DNAAF11: variants seen among roughly 807,000 people sequenced by gnomAD.
DNAAF11 encodes the protein dynein axonemal assembly factor 11.
DNAAF11 carries 45 observed loss-of-function variants against 60.8 expected under a neutral mutation model. That is an observed-to-expected ratio of 0.74 (90% CI 0.58 to 0.95). DNAAF11 has a LOEUF of 0.95. DNAAF11 is among the 40% of genes least tolerant of loss of function. DNAAF11 has a pLI of 0.00. For synonymous variants in DNAAF11, 191 were observed against 183.5 expected (o/e 1.04, Z -0.33); for missense variants, 546 against 546.2 (o/e 1.00, Z 0.00).
At chr8:132,684,128 C>T in the DNAAF11 span, among the ~76,000 whole-genome samples, 14 of 152,162 alleles carry the variant, frequency 9.2e-5, no homozygotes, top group South Asian at 4.1e-4. Flanking sequence ...GGCACTTTCT[C>T]CATACAACAC....
At chr8:132,698,195 G>A in the DNAAF11 span, among the ~76,000 whole-genome samples, 1 of 152,150 alleles carries the variant, frequency 6.6e-6, no homozygotes. Flanking sequence ...CTGAGCATGA[G>A]ACTAGAGTAA....
At chr8:132,625,774 A>C (rs1384367907) in intron 5 of DNAAF11, among the ~76,000 whole-genome samples, 1 of 152,182 alleles carries the variant, frequency 6.6e-6, no homozygotes, top group African/African-American at 2.4e-5. Context: ...AGCTTTATAA[A>C]AAGTACAGAT....
the DNAAF11 span, chr8:132,687,530 A>G: frequency 2.2e-6 from 1 of 447,390 alleles, no homozygotes; most frequent in Non-Finnish European, 4.5e-6. Context: ...TCAGACAGAC[A>G]GCTGTAACAG....
At chr8:132,593,732 A>G (rs890715733) in intron 10 of DNAAF11, among the ~76,000 whole-genome samples, 3 of 152,114 alleles carry the variant, frequency 2.0e-5, no homozygotes, top group Non-Finnish European at 1.5e-5. Context: ...AAAAAAACAC[A>G]GGCCTAAAAA....
the DNAAF11 span, among the ~76,000 whole-genome samples, chr8:132,689,575 G>A: frequency 6.6e-6 from 1 of 151,868 alleles, no homozygotes; most frequent in African/African-American, 2.4e-5. Context: ...ATTACAATAG[G>A]AATATACTAT....
intron 10 of DNAAF11, among the ~76,000 whole-genome samples, chr8:132,603,560 G>T (rs1428466149): frequency 2.0e-5 from 3 of 151,938 alleles, no homozygotes; most frequent in Non-Finnish European, 2.9e-5. Context: ...GTAATCTGGA[G>T]GTTATTGGAG....
chr8:132,655,254 A>T (rs1277794563), intron 3 of DNAAF11, among the ~76,000 whole-genome samples: 3 of 152,134 alleles, frequency 2.0e-5, no homozygotes, highest in Non-Finnish European at 4.4e-5. Context: ...GATTAAATTA[A>T]TAATCAATAA....
intron 7 of DNAAF11, among the ~76,000 whole-genome samples, chr8:132,618,206 C>A (rs1174604477): frequency 6.7e-6 from 1 of 148,498 alleles, no homozygotes; most frequent in African/African-American, 2.5e-5. Flanking sequence ...AAAGGATTCC[C>A]TATTTAATAA....
At chr8:132,627,296 A>C (rs1820373028) in intron 5 of DNAAF11, among the ~76,000 whole-genome samples, 1 of 152,206 alleles carries the variant, frequency 6.6e-6, no homozygotes. Context: ...TAAAAACATA[A>C]AAATAACAGT....
chr8:132,694,398 A>G, the DNAAF11 span, among the ~76,000 whole-genome samples: 1 of 152,098 alleles, frequency 6.6e-6, no homozygotes, highest in South Asian at 2.1e-4. Context: ...CACATAAGGG[A>G]TGTGAAGATG....
At chr8:132,578,478 G>A in intron 11 of DNAAF11, 5 of 1,534,952 alleles carry the variant, frequency 3.3e-6, no homozygotes, top group Non-Finnish European at 4.4e-6. Flanking sequence ...CCCACGACCT[G>A]ACTGTCAGAA....
intron 10 of DNAAF11, among the ~76,000 whole-genome samples, chr8:132,593,420 A>T (rs1816686917): frequency 6.7e-6 from 1 of 148,214 alleles, no homozygotes; most frequent in African/African-American, 2.5e-5. Context: ...GTTGAGAGAC[A>T]AATCTTAGAA....
intron 1 of DNAAF11, among the ~76,000 whole-genome samples, chr8:132,667,429 A>C (rs1174922874): frequency 6.6e-6 from 1 of 152,264 alleles, no homozygotes; most frequent in Non-Finnish European, 1.5e-5. Context: ...TAAAGAAATA[A>C]ATAATAAAAT....
At chr8:132,647,943 G>A (rs1213289342) in intron 3 of DNAAF11, among the ~76,000 whole-genome samples, 1 of 152,248 alleles carries the variant, frequency 6.6e-6, no homozygotes, top group Middle Eastern at 3.4e-3. Flanking sequence ...AAGAGGAGCT[G>A]GTACCATTCC....
chr8:132,600,151 A>C lies in DNAAF11; in HGVS notation c.1140+10015T>G, dbSNP rs572712903. Among the ~76,000 whole-genome samples the C allele has an allele frequency of 5.2e-4, 79 of 152,334 alleles. No individual in the cohort carries two copies. In the South Asian group the frequency reaches 5.4e-3, roughly 10 times the overall value. ...ATAACAGATGACAGAGAGCCAAATC[A>C]TGAGTGAACTCCCATTCACAATTGC... On this transcript the variant is annotated intron_variant, in intron 10 of 11. Coordinates refer to ENST00000620350, the MANE Select transcript of DNAAF11 (RefSeq NM_012472.6).
rs191194979 is a variant in DNAAF11 at position 132,675,314 on chromosome 8, G to A, written c.10+170C>T. On this transcript the variant is annotated intron_variant, in intron 1 of 11. Coordinates refer to ENST00000620350, the MANE Select transcript of DNAAF11 (RefSeq NM_012472.6). Reference sequence around the variant, plus strand: ...CCAGGCTGTCCGGCCAGTCTGCAGAGGACCTGGTGCAGCCGGGGCTGCGGT... The same window carrying A: ...CCAGGCTGTCCGGCCAGTCTGCAGAAGACCTGGTGCAGCCGGGGCTGCGGT... 40 of 640,348 alleles carry A rather than the reference G, an allele frequency of 6.2e-5. No homozygotes were observed. In the East Asian group the frequency reaches 1.1e-3, roughly 17 times the overall value. The allele number at this position is 640,348 out of a possible 1,614,324, so 39.7% of individuals were successfully genotyped here. A position where few individuals can be genotyped will look rare whatever the true frequency, so the allele number is the denominator to read the frequency against.
intron 3 of DNAAF11, among the ~76,000 whole-genome samples, chr8:132,645,698 C>T (rs929702452): frequency 6.6e-6 from 1 of 151,974 alleles, no homozygotes; most frequent in African/African-American, 2.4e-5. Context: ...GATGCATGTA[C>T]AAGCTTCAGT....
the DNAAF11 span, among the ~76,000 whole-genome samples, chr8:132,684,314 A>G: frequency 6.6e-6 from 1 of 152,246 alleles, no homozygotes; most frequent in Non-Finnish European, 1.5e-5. Flanking sequence ...TATATGGGAT[A>G]GAGTCCACAT....
intron 3 of DNAAF11, among the ~76,000 whole-genome samples, chr8:132,649,772 C>T (rs1317424229): frequency 1.3e-5 from 2 of 152,190 alleles, no homozygotes; most frequent in Non-Finnish European, 2.9e-5. Context: ...AAAAAATGCT[C>T]ATCATCACTG....
Sources: allele counts gnomAD v4.1 joint callset (sites outside exome capture counted in the v4.1 genomes callset), GRCh38; gene constraint gnomAD v4.1.1; transcripts MANE v1.5; gene names NCBI Gene and HGNC (gene_info 2026-07-23, HGNC 2026-07-21).